NKAIN2: variants seen among roughly 807,000 people sequenced by gnomAD.
The protein encoded by NKAIN2 is sodium/potassium-transporting ATPase subunit beta-1-interacting protein 2.
NKAIN2 carries 14 observed loss-of-function variants against 32.6 expected under a neutral mutation model. The ratio of observed to expected loss-of-function variants is 0.43; its 90% CI spans 0.28 to 0.67. The LOEUF (loss-of-function observed/expected upper bound fraction) is 0.67, where lower values mean the gene tolerates loss of function less well. Among genes scored for constraint, NKAIN2 ranks in the 30% least tolerant of loss-of-function variants. The pLI is 0.17. For synonymous variants in NKAIN2, 80 were observed against 87.2 expected, an observed-to-expected ratio of 0.92 and a Z score of 0.46; for missense variants, 198 against 258.3, an observed-to-expected ratio of 0.77 and a Z score of 1.60.
intron 6 of NKAIN2, among the ~76,000 whole-genome samples, chr6:124,821,488 A>C (rs905677315): frequency 6.6e-6 from 1 of 152,168 alleles, no homozygotes; most frequent in Non-Finnish European, 1.5e-5. Flanking sequence ...TAATATATTA[A>C]ATTCAAATCA....
intron 1 of NKAIN2, among the ~76,000 whole-genome samples, chr6:124,027,332 G>T (rs1781157561): frequency 1.3e-5 from 2 of 152,020 alleles, no homozygotes; most frequent in South Asian, 4.2e-4. Flanking sequence ...GTAGAGACAG[G>T]GTTTCACCAT....
intron 3 of NKAIN2, among the ~76,000 whole-genome samples, chr6:124,604,011 T>G (rs1270969478): frequency 6.6e-6 from 1 of 151,998 alleles, no homozygotes; most frequent in Non-Finnish European, 1.5e-5. Flanking sequence ...AATTATAGCT[T>G]TGAGAGTATA....
chr6:124,407,644 C>T (rs928022224), intron 3 of NKAIN2, among the ~76,000 whole-genome samples: 5 of 151,900 alleles, frequency 3.3e-5, no homozygotes, highest in Non-Finnish European at 7.4e-5. Flanking sequence ...TGACTAGTGC[C>T]GCAATAAACA....
intron 3 of NKAIN2, among the ~76,000 whole-genome samples, chr6:124,552,877 G>T (rs1458306841): frequency 6.6e-6 from 1 of 152,192 alleles, no homozygotes; most frequent in Non-Finnish European, 1.5e-5. Context: ...TAAAAGAAAT[G>T]CTGCTTTGGC....
chr6:124,669,444 T>TA (rs1772982642), intron 4 of NKAIN2, among the ~76,000 whole-genome samples: 1 of 151,812 alleles, frequency 6.6e-6, no homozygotes, highest in South Asian at 2.1e-4. Flanking sequence ...TAGGATAAGG[T>TA]AAAAAAGAGC....
In NKAIN2 at chr6:124,683,513, A is replaced by G. The variant is rs1051176074; in HGVS notation, c.474+25127A>G. ...AGGGAGGTTGATAATGCATCTACCA[A>G]GTAGAGTCCATGTGAAGGGCTCAGA... On this transcript the variant is annotated intron_variant, in intron 4 of 6. Transcript: ENST00000368417. Among the ~76,000 whole-genome samples, 124 of 152,194 alleles carry G rather than the reference A, an allele frequency of 8.1e-4. 2 individuals carry two copies. Among genetic ancestry groups the G allele is most frequent in the Admixed American group, 8.1e-3 (123 of 15,272 alleles).
intron 4 of NKAIN2, among the ~76,000 whole-genome samples, chr6:124,784,420 C>T (rs1562381715): frequency 6.6e-6 from 1 of 152,098 alleles, no homozygotes; most frequent in Non-Finnish European, 1.5e-5. Context: ...AACCACCAAC[C>T]TGTTCTCGAT....
At chr6:124,290,884 G>A (rs1338079170) in intron 2 of NKAIN2, among the ~76,000 whole-genome samples, 1 of 151,894 alleles carries the variant, frequency 6.6e-6, no homozygotes, top group Non-Finnish European at 1.5e-5. Context: ...TTAATGCAAT[G>A]TTCTTCTTCC....
At chr6:123,887,083 A>G (rs1773753490) in intron 1 of NKAIN2, among the ~76,000 whole-genome samples, 1 of 152,190 alleles carries the variant, frequency 6.6e-6, no homozygotes, top group Non-Finnish European at 1.5e-5. Context: ...AAAGTTAATT[A>G]GACTATTTTG....
intron 2 of NKAIN2, among the ~76,000 whole-genome samples, chr6:124,292,160 T>G (rs1046102865): frequency 2.0e-5 from 3 of 152,122 alleles, no homozygotes; most frequent in Non-Finnish European, 4.4e-5. Flanking sequence ...CTAAAAGTGG[T>G]AGAGGGTTAT....
At chr6:124,169,224 A>G (rs946055048) in intron 1 of NKAIN2, among the ~76,000 whole-genome samples, 8 of 152,156 alleles carry the variant, frequency 5.3e-5, no homozygotes, top group Non-Finnish European at 1.0e-4. Flanking sequence ...TATCTTGCTG[A>G]TAATAAATAT....
intron 4 of NKAIN2, among the ~76,000 whole-genome samples, chr6:124,669,988 G>A (rs1773018099): frequency 6.6e-6 from 1 of 151,990 alleles, no homozygotes; most frequent in Admixed American, 6.6e-5. Flanking sequence ...CTGGAATCAT[G>A]CTGTCATCTT....
chr6:124,308,520 G>A (rs1211194598), intron 2 of NKAIN2, among the ~76,000 whole-genome samples: 1 of 152,134 alleles, frequency 6.6e-6, no homozygotes, highest in Non-Finnish European at 1.5e-5. Context: ...TTCCTGAGTA[G>A]TTATTTATCT....
In NKAIN2 at chr6:123,804,656, G is replaced by T. The variant is rs966174403; in HGVS notation, c.54+402G>T. Among the ~76,000 whole-genome samples, 34 of 152,018 alleles carry T rather than the reference G, an allele frequency of 2.2e-4. 1 individual carries two copies. Among genetic ancestry groups the T allele is most frequent in the Non-Finnish European group, 2.9e-5 (2 of 68,002 alleles). On this transcript the variant is annotated intron_variant, in intron 1 of 6. Coordinates refer to ENST00000368417, the MANE Select transcript of NKAIN2 (RefSeq NM_001040214.3). ...GACTTTTCTTCTCTATACTAATTTT[G>T]CAGTATCTTTGTTTCTTCATAGACA...
chr6:124,004,186 T>C (rs1779985463), intron 1 of NKAIN2, among the ~76,000 whole-genome samples: 1 of 152,216 alleles, frequency 6.6e-6, no homozygotes, highest in Non-Finnish European at 1.5e-5. Context: ...TATTCTGATC[T>C]CAAGTCTGGT....
chr6:124,219,102 A>C (rs1356338554), intron 1 of NKAIN2, among the ~76,000 whole-genome samples: 2 of 152,070 alleles, frequency 1.3e-5, no homozygotes, highest in Non-Finnish European at 2.9e-5. Context: ...TTGCTCCCTC[A>C]AGAGGATTAC....
chr6:124,586,568 C>T (rs771963491), intron 3 of NKAIN2, among the ~76,000 whole-genome samples: 4 of 151,460 alleles, frequency 2.6e-5, no homozygotes, highest in Non-Finnish European at 5.9e-5. Flanking sequence ...TGTAACAAAT[C>T]TGCACAGGGG....
At chr6:124,049,986 T>C (rs999952738) in intron 1 of NKAIN2, among the ~76,000 whole-genome samples, 2 of 152,048 alleles carry the variant, frequency 1.3e-5, no homozygotes, top group African/African-American at 4.8e-5. Context: ...CCGAGTTTTC[T>C]AAGATCTATG....
chr6:124,489,953 A>C (rs1562217307), intron 3 of NKAIN2, among the ~76,000 whole-genome samples: 1 of 151,886 alleles, frequency 6.6e-6, no homozygotes, highest in African/African-American at 2.4e-5. Flanking sequence ...ATGTAGGGCT[A>C]TAATTATACA....
Sources: allele counts gnomAD v4.1 joint callset (sites outside exome capture counted in the v4.1 genomes callset), GRCh38; gene constraint gnomAD v4.1.1; transcripts MANE v1.5; gene names NCBI Gene and HGNC (gene_info 2026-07-23, HGNC 2026-07-21).